ASTN2: variants seen among roughly 807,000 people sequenced by gnomAD.
ASTN2 encodes the protein astrotactin-2.
Under a neutral mutation model 139.8 loss-of-function variants are expected in ASTN2, and 54 were observed. The observed-to-expected ratio is 0.39, with a 90% confidence interval of 0.31 to 0.48. ASTN2 has a LOEUF of 0.48. Among genes scored for constraint, ASTN2 ranks in the 20% least tolerant of loss-of-function variants. The probability of loss-of-function intolerance (pLI) is 0.95; values close to 1 mark genes in which losing one functional copy is unlikely to be tolerated. For missense variants in ASTN2, 1,565 were observed against 1,725.1 expected (o/e 0.91, Z 1.64); for synonymous variants, 756 against 719.5 (o/e 1.05, Z -0.81).
chr9:116,813,543 T>A (rs1455305272), intron 12 of ASTN2, among the ~76,000 whole-genome samples: 1 of 152,208 alleles, frequency 6.6e-6, no homozygotes, highest in East Asian at 1.9e-4. Context: ...CCTATCTGTT[T>A]GTTGTTTGAA....
chr9:117,189,509 G>T (rs867275878), intron 3 of ASTN2, among the ~76,000 whole-genome samples: 1 of 152,102 alleles, frequency 6.6e-6, no homozygotes, highest in Admixed American at 6.5e-5. Context: ...CCCTCCCTGG[G>T]TCTCTGTTGA....
chr9:117,360,915 C>T (rs1471110590), intron 1 of ASTN2, among the ~76,000 whole-genome samples: 1 of 152,028 alleles, frequency 6.6e-6, no homozygotes, highest in African/African-American at 2.4e-5. Flanking sequence ...CAGTTTTTTT[C>T]CCCCTTCCAC....
chr9:116,737,546 T>G (rs1828968171), intron 13 of ASTN2, among the ~76,000 whole-genome samples: 1 of 144,048 alleles, frequency 6.9e-6, no homozygotes, highest in African/African-American at 2.6e-5. Context: ...ACAGAAATAA[T>G]GGACAATATT....
chr9:116,652,313 G>A (rs992955541), intron 16 of ASTN2, among the ~76,000 whole-genome samples: 11 of 152,038 alleles, frequency 7.2e-5, no homozygotes, highest in Admixed American at 4.6e-4. Flanking sequence ...GCAAGAGAGC[G>A]AGATTCCATC....
At chr9:117,176,713 G>A (rs1830927087) in intron 3 of ASTN2, among the ~76,000 whole-genome samples, 1 of 152,154 alleles carries the variant, frequency 6.6e-6, no homozygotes, top group Non-Finnish European at 1.5e-5. Flanking sequence ...TGGGAGGCTT[G>A]CTCAAGGCCA....
chr9:116,893,174 C>T (rs971499543), intron 10 of ASTN2, among the ~76,000 whole-genome samples: 4 of 151,928 alleles, frequency 2.6e-5, no homozygotes, highest in Admixed American at 6.6e-5. Context: ...CACACACACA[C>T]ACACACACAC....
At chr9:117,205,934 C>T (rs1037714011) in intron 3 of ASTN2, among the ~76,000 whole-genome samples, 15 of 152,180 alleles carry the variant, frequency 9.9e-5, no homozygotes, top group African/African-American at 3.1e-4. Flanking sequence ...ACATCCTGTG[C>T]TTATGTCCAA....
intron 10 of ASTN2, among the ~76,000 whole-genome samples, chr9:116,890,823 G>T (rs991433838): frequency 2.6e-5 from 4 of 152,196 alleles, no homozygotes; most frequent in African/African-American, 2.4e-5. Flanking sequence ...TGGAGCGGGG[G>T]TATATGAACT....
intron 19 of ASTN2, among the ~76,000 whole-genome samples, chr9:116,606,753 G>A (rs1158062910): frequency 6.6e-6 from 1 of 151,682 alleles, no homozygotes; most frequent in African/African-American, 2.4e-5. Flanking sequence ...TGTGTCTCAA[G>A]AACTGTGCTG....
chr9:116,725,388 T>C (rs1054249032), intron 16 of ASTN2, among the ~76,000 whole-genome samples: 1 of 151,578 alleles, frequency 6.6e-6, no homozygotes, highest in African/African-American at 2.4e-5. Flanking sequence ...TCTTCTTGGG[T>C]TCTCCCAAGA....
chr9:116,830,532 C>T (rs1279600236), intron 11 of ASTN2, among the ~76,000 whole-genome samples: 1 of 151,934 alleles, frequency 6.6e-6, no homozygotes, highest in African/African-American at 2.4e-5. Flanking sequence ...TGGCTCAAGC[C>T]TGTAATCCCA....
intron 19 of ASTN2, among the ~76,000 whole-genome samples, chr9:116,490,782 C>T (rs2119098299): frequency 6.6e-6 from 1 of 152,230 alleles, no homozygotes; most frequent in African/African-American, 2.4e-5. Context: ...CTAATCAACT[C>T]CCTCGAGGTC....
chr9:116,435,530 C>G (rs1276969435), intron 22 of ASTN2, among the ~76,000 whole-genome samples: 1 of 152,168 alleles, frequency 6.6e-6, no homozygotes, highest in African/African-American at 2.4e-5. Context: ...TTGAACTCTC[C>G]TCTTTCACTT....
At chr9:116,599,051 T>C (rs1183795331) in intron 19 of ASTN2, among the ~76,000 whole-genome samples, 3 of 152,208 alleles carry the variant, frequency 2.0e-5, no homozygotes, top group South Asian at 4.1e-4. Context: ...TTCAAATACC[T>C]TCAGAGCAAA....
At chr9:117,102,305 A>G (rs1353396388) in intron 4 of ASTN2, among the ~76,000 whole-genome samples, 3 of 152,214 alleles carry the variant, frequency 2.0e-5, no homozygotes, top group Admixed American at 6.5e-5. Flanking sequence ...TTCATATTCT[A>G]TTTATATGAA....
At chr9:116,874,280 GAT>G (rs34281520) in intron 10 of ASTN2, among the ~76,000 whole-genome samples, 55,790 of 151,332 alleles carry the variant, frequency 0.37, 10,526 homozygotes, top group East Asian at 0.53. Flanking sequence ...AATTTAGGTT[GAT>G]ATATATATAT....
intron 1 of ASTN2, among the ~76,000 whole-genome samples, chr9:117,361,094 G>T (rs1201501110): frequency 2.0e-5 from 3 of 152,068 alleles, no homozygotes; most frequent in Admixed American, 2.0e-4. Context: ...CCTCCATCAG[G>T]GATTTGGCTC....
At chr9:117,005,309 G>C (rs1837324995) in intron 7 of ASTN2, among the ~76,000 whole-genome samples, 1 of 149,552 alleles carries the variant, frequency 6.7e-6, no homozygotes, top group South Asian at 2.1e-4. Context: ...GGATGGTCTT[G>C]ATCTCCTGAC....
At chr9:116,766,323 C>T (rs1407360815) in intron 13 of ASTN2, among the ~76,000 whole-genome samples, 1 of 152,074 alleles carries the variant, frequency 6.6e-6, no homozygotes, top group Non-Finnish European at 1.5e-5. Flanking sequence ...CTTAACCACA[C>T]ATGGTCACAT....
Sources: allele counts gnomAD v4.1 joint callset (sites outside exome capture counted in the v4.1 genomes callset), GRCh38; gene constraint gnomAD v4.1.1; transcripts MANE v1.5; gene names NCBI Gene and HGNC (gene_info 2026-07-23, HGNC 2026-07-21).